SLC37A1: variants seen among roughly 807,000 people sequenced by gnomAD.
The protein encoded by SLC37A1 is solute carrier family 37 member 1, also known as glucose-6-phosphate exchanger SLC37A1.
SLC37A1 carries 49 observed loss-of-function variants against 75.3 expected under a neutral mutation model. The ratio of observed to expected loss-of-function variants is 0.65; its 90% CI spans 0.52 to 0.83. SLC37A1 has a LOEUF of 0.83. Ranked by LOEUF, SLC37A1 falls within the 40% of genes least tolerant of loss-of-function variation. SLC37A1 has a pLI of 0.00. For synonymous variants in SLC37A1, 268 were observed against 292.1 expected (o/e 0.92, Z 0.84); for missense variants, 566 against 695.0 (o/e 0.81, Z 2.09).
At chr21:42,572,390 ATT>A (rs2056196916) in intron 17 of SLC37A1, among the ~76,000 whole-genome samples, 1 of 151,628 alleles carries the variant, frequency 6.6e-6, no homozygotes, top group East Asian at 1.9e-4. Context: ...CCATTTTCTG[ATT>A]TGTTTTTTCT....
In SLC37A1 at chr21:42,507,072, G is replaced by A. The variant is rs115433993; in HGVS notation, c.-179+4655G>A. On this transcript the variant is annotated intron_variant, in intron 2 of 20. Coordinates refer to the SLC37A1 transcript ENST00000398341. ...TAATTTTTTGTATTTCAGTAGAGAC[G>A]GGATTTCATCGTGTTGCCCAGGCTG... 6.4e-3 allele frequency among the ~76,000 whole-genome samples: 980 copies of A among 152,000 alleles called. 6 individuals carry two copies. The highest frequency in any genetic ancestry group is 0.023 in the African/African-American group (934 of 41,428).
At chr21:42,524,958 G>A (rs370477596) in intron 2 of SLC37A1, among the ~76,000 whole-genome samples, 17 of 152,290 alleles carry the variant, frequency 1.1e-4, no homozygotes, top group African/African-American at 4.1e-4. Context: ...GTGGACCTCT[G>A]GGGAGGGGAG....
intron 17 of SLC37A1, among the ~76,000 whole-genome samples, chr21:42,570,062 T>C: frequency 6.8e-6 from 1 of 146,594 alleles, no homozygotes; most frequent in Non-Finnish European, 1.5e-5. Context: ...GCGGGCAGGG[T>C]GGCCGTTGCC....
chr21:42,568,939 C>T (rs1445146411), intron 17 of SLC37A1, among the ~76,000 whole-genome samples: 1 of 152,242 alleles, frequency 6.6e-6, no homozygotes, highest in Non-Finnish European at 1.5e-5. Context: ...CCAGTCTCCT[C>T]GCCCATGTGC....
At chr21:42,577,106 A>G (rs915362004) in intron 18 of SLC37A1, among the ~76,000 whole-genome samples, 4 of 152,242 alleles carry the variant, frequency 2.6e-5, no homozygotes, top group African/African-American at 9.6e-5. Flanking sequence ...GTGAAGTGAA[A>G]ACATTTTTAA....
intron 3 of SLC37A1, among the ~76,000 whole-genome samples, chr21:42,530,656 C>CACACACACACACACACACA (rs1568997149): frequency 3.0e-4 from 7 of 23,496 alleles, no homozygotes; most frequent in East Asian, 6.0e-4. Flanking sequence ...ACACACACAC[C>CACACACACACACACACACA]CCCTCTGTGT....
chr21:42,576,919 TG>T (rs2056320587), intron 18 of SLC37A1, among the ~76,000 whole-genome samples: 1 of 152,142 alleles, frequency 6.6e-6, no homozygotes, highest in Admixed American at 6.5e-5. Context: ...CCAAATGAGA[TG>T]GCCTAAAGTT....
chr21:42,541,195 A>G (rs2055273093), intron 6 of SLC37A1, among the ~76,000 whole-genome samples: 1 of 152,230 alleles, frequency 6.6e-6, no homozygotes, highest in Non-Finnish European at 1.5e-5. Context: ...ATGAGAATCT[A>G]ACGCCCCGCT....
chr21:42,559,155 G>C (rs79334525), intron 11 of SLC37A1, 66 bp downstream of exon 11: 1 of 1,555,840 alleles, frequency 6.4e-7, no homozygotes, highest in East Asian at 2.3e-5. Flanking sequence ...AAGTCTGGTC[G>C]GTTGATGATT....
In SLC37A1 at chr21:42,525,831, T is replaced by C; in HGVS notation, c.112T>C (p.Ser38Pro). 2.5e-6 allele frequency: 4 copies of C among 1,614,106 alleles called. No homozygotes were observed. Among genetic ancestry groups the C allele is most frequent in the Non-Finnish European group, 3.4e-6 (4 of 1,179,948 alleles). The change falls in exon 3 of 20, where the codon TCT (serine) becomes CCT (proline). Residue 38 changes from serine (S) to proline (P), a missense_variant. Transcript: ENST00000352133. The part of the protein sequence containing the change: ...TFLLYASFHL[S>P]RKPISIVKGE... ...TCTGCTGTATGCAAGTTTTCACTTA[T>C]CTCGAAAGCCTATCAGCATAGTTAA...
chr21:42,526,509 G>T (rs1256338988), intron 3 of SLC37A1, among the ~76,000 whole-genome samples: 1 of 152,210 alleles, frequency 6.6e-6, no homozygotes, highest in African/African-American at 2.4e-5. Flanking sequence ...TCACAGCCCA[G>T]TGGCCCCTCG....
At chr21:42,549,206 T>C (rs961925595) in intron 9 of SLC37A1, among the ~76,000 whole-genome samples, 2 of 152,160 alleles carry the variant, frequency 1.3e-5, no homozygotes, top group Non-Finnish European at 2.9e-5. Context: ...ACACCTTCTG[T>C]CCTCTAAGAA....
At chr21:42,573,355 CT>C (rs1036358079) in intron 17 of SLC37A1, among the ~76,000 whole-genome samples, 47 of 152,100 alleles carry the variant, frequency 3.1e-4, no homozygotes, top group African/African-American at 1.1e-3. Flanking sequence ...TCCCCTGTCT[CT>C]TGGGCTCCGC....
chr21:42,555,203 G>C (rs772444610), intron 10 of SLC37A1, among the ~76,000 whole-genome samples: 5 of 151,982 alleles, frequency 3.3e-5, no homozygotes, highest in Non-Finnish European at 7.4e-5. Flanking sequence ...GGCCAGGCTA[G>C]TCTTGAACTC....
intron 7 of SLC37A1, 74 bp downstream of exon 7, chr21:42,542,554 G>C (rs1181908108): frequency 4.9e-6 from 7 of 1,432,958 alleles, no homozygotes; most frequent in Non-Finnish European, 6.8e-6. Flanking sequence ...TCTGTAGACT[G>C]ATTACAGCAA....
intron 10 of SLC37A1, among the ~76,000 whole-genome samples, chr21:42,556,382 T>G (rs2055691861): frequency 6.6e-6 from 1 of 152,174 alleles, no homozygotes; most frequent in Non-Finnish European, 1.5e-5. Context: ...ACCGTGCACT[T>G]TGCACGCCAA....
intron 17 of SLC37A1, among the ~76,000 whole-genome samples, chr21:42,573,672 G>A (rs2056242355): frequency 6.6e-6 from 1 of 151,762 alleles, no homozygotes. Context: ...GTGAACACTT[G>A]AAAAAAACAA....
At chr21:42,551,481 G>A (rs1409695284) in intron 9 of SLC37A1, among the ~76,000 whole-genome samples, 1 of 152,250 alleles carries the variant, frequency 6.6e-6, no homozygotes, top group Non-Finnish European at 1.5e-5. Context: ...TGACAGGTAT[G>A]AGGTTTCTTT....
At chr21:42,527,046 G>C (rs1472695524) in intron 3 of SLC37A1, among the ~76,000 whole-genome samples, 5 of 152,208 alleles carry the variant, frequency 3.3e-5, no homozygotes, top group Non-Finnish European at 2.9e-5. Context: ...CTTGGTGAGC[G>C]TGTTGGAGTT....
Sources: gnomAD v4.1 joint callset for allele counts (sites outside exome capture counted in the v4.1 genomes callset) on GRCh38, gnomAD v4.1.1 for gene constraint, MANE v1.5 for transcripts, NCBI Gene and HGNC (gene_info 2026-07-23, HGNC 2026-07-21) for gene names.